The following GRIK4 variants were observed in gnomAD, a reference collection of about 807,000 sequenced individuals.
GRIK4 encodes the protein glutamate receptor ionotropic, kainate 4.
Under a neutral mutation model 104.9 loss-of-function variants are expected in GRIK4, and 40 were observed. That is an observed-to-expected ratio of 0.38 (90% confidence interval 0.30 to 0.50). The LOEUF (loss-of-function observed/expected upper bound fraction) is 0.50, where lower values mean the gene tolerates loss of function less well. Ranked by LOEUF, GRIK4 falls within the 20% of genes least tolerant of loss-of-function variation. GRIK4 has a pLI of 0.93. For missense variants in GRIK4, 1,047 were observed against 1,308.1 expected (o/e 0.80, Z 3.08); for synonymous variants, 485 against 524.9 (o/e 0.92, Z 1.04).
chr11:120,605,896 G>C (rs1044487386), intron 1 of GRIK4, among the ~76,000 whole-genome samples: 5 of 152,232 alleles, frequency 3.3e-5, no homozygotes, highest in Admixed American at 2.6e-4. Flanking sequence ...AATGAGGCTG[G>C]TGGGCAGCAG....
intron 1 of GRIK4, among the ~76,000 whole-genome samples, chr11:120,604,033 G>A (rs1349559002): frequency 3.9e-5 from 6 of 151,958 alleles, no homozygotes; most frequent in African/African-American, 1.5e-4. Context: ...TTAGCCAGGC[G>A]TGGTGGCGGG....
chr11:120,753,764 TTTTTG>T (rs1446831416), intron 3 of GRIK4, among the ~76,000 whole-genome samples: 1 of 152,182 alleles, frequency 6.6e-6, no homozygotes, highest in African/African-American at 2.4e-5. Flanking sequence ...CTGTTTTTCC[TTTTTG>T]TTTTGTTTTT....
At chr11:120,570,850 A>G (rs536714283) in intron 1 of GRIK4, among the ~76,000 whole-genome samples, 1 of 135,984 alleles carries the variant, frequency 7.4e-6, no homozygotes, top group African/African-American at 2.4e-5. Flanking sequence ...AGTTAAATGA[A>G]TAGTCAGAAT....
chr11:120,841,435 T>C (rs1953713657), intron 8 of GRIK4, among the ~76,000 whole-genome samples: 1 of 152,226 alleles, frequency 6.6e-6, no homozygotes, highest in Non-Finnish European at 1.5e-5. Flanking sequence ...TATGTCAGAA[T>C]TGCCTGCCTT....
At chr11:120,516,644 C>T (rs555345561) in intron 1 of GRIK4, among the ~76,000 whole-genome samples, 2 of 152,060 alleles carry the variant, frequency 1.3e-5, no homozygotes, top group Admixed American at 6.5e-5. Context: ...TGGGCCTGGG[C>T]GCTGGTGACA....
intron 13 of GRIK4, among the ~76,000 whole-genome samples, chr11:120,913,454 C>T (rs1943041224): frequency 6.6e-6 from 1 of 151,416 alleles, no homozygotes; most frequent in Admixed American, 6.6e-5. Context: ...GCTGTAGTAC[C>T]CTGGAAGGTA....
rs549394226 is a variant in GRIK4, at chr11:120,515,762, A to G, written c.-159+3875A>G. Among the ~76,000 whole-genome samples the G allele has an allele frequency of 3.0e-3, 457 of 152,382 alleles. 2 individuals are homozygous for G. The highest frequency in any genetic ancestry group is 6.8e-3 in the Middle Eastern group (2 of 294). On this transcript the variant is annotated intron_variant, in intron 1 of 20. Coordinates refer to ENST00000527524, the MANE Select transcript of GRIK4 (RefSeq NM_014619.5). ...TGATTATAACGTTCTGTTACATAAA[A>G]TAGGGTATGCCTTACATTTAGTAAA...
chr11:120,974,729 C>G (rs1360798732), intron 19 of GRIK4, among the ~76,000 whole-genome samples: 1 of 152,192 alleles, frequency 6.6e-6, no homozygotes, highest in Non-Finnish European at 1.5e-5. Context: ...TCCTCGCCCC[C>G]TCTGACTCTC....
chr11:120,970,828 C>T (rs1944462841), intron 19 of GRIK4, among the ~76,000 whole-genome samples: 1 of 152,144 alleles, frequency 6.6e-6, no homozygotes, highest in African/African-American at 2.4e-5. Context: ...TGTGTTTGTT[C>T]TACTGACAGT....
intron 3 of GRIK4, among the ~76,000 whole-genome samples, chr11:120,683,153 C>T (rs965307568): frequency 2.6e-5 from 4 of 152,150 alleles, no homozygotes; most frequent in African/African-American, 4.8e-5. Context: ...TTGCATGAAC[C>T]GATAGATGAA....
chr11:120,971,404 T>C (rs930504976), intron 19 of GRIK4, among the ~76,000 whole-genome samples: 1 of 152,148 alleles, frequency 6.6e-6, no homozygotes, highest in Non-Finnish European at 1.5e-5. Context: ...CATCTCAAAG[T>C]CCTCCTGACT....
intron 13 of GRIK4, among the ~76,000 whole-genome samples, chr11:120,933,448 C>A (rs1350737535): frequency 6.6e-6 from 1 of 152,166 alleles, no homozygotes; most frequent in Non-Finnish European, 1.5e-5. Context: ...TTCATCTTCT[C>A]AACAATTGTA....
At chr11:120,838,615 T>C (rs918421148) in intron 8 of GRIK4, among the ~76,000 whole-genome samples, 1 of 152,234 alleles carries the variant, frequency 6.6e-6, no homozygotes, top group Non-Finnish European at 1.5e-5. Flanking sequence ...TGCAAAAATC[T>C]GCCAGTAAGA....
intron 1 of GRIK4, among the ~76,000 whole-genome samples, chr11:120,637,604 G>A (rs1308648382): frequency 2.0e-5 from 3 of 152,196 alleles, no homozygotes; most frequent in African/African-American, 4.8e-5. Context: ...GGGTGCAGTT[G>A]CTGTGTTTCC....
chr11:120,642,270 G>A (rs567876762), intron 1 of GRIK4, among the ~76,000 whole-genome samples: 10 of 152,192 alleles, frequency 6.6e-5, no homozygotes, highest in African/African-American at 1.2e-4. Context: ...GGTCCAGGCT[G>A]CAGTGAGCCA....
intron 14 of GRIK4, among the ~76,000 whole-genome samples, chr11:120,947,890 G>A (rs1365259038): frequency 6.6e-6 from 1 of 152,118 alleles, no homozygotes; most frequent in Admixed American, 6.5e-5. Context: ...TTAGAATGTA[G>A]GTCTCCTCAC....
chr11:120,850,068 G>A (rs901266193), intron 8 of GRIK4, among the ~76,000 whole-genome samples: 1 of 152,108 alleles, frequency 6.6e-6, no homozygotes. Flanking sequence ...ACCATTCTTG[G>A]GTCCTTTCCC....
intron 6 of GRIK4, among the ~76,000 whole-genome samples, chr11:120,827,985 C>G (rs1953311392): frequency 1.3e-5 from 2 of 152,180 alleles, no homozygotes; most frequent in South Asian, 4.1e-4. Context: ...TTGAAGCTGC[C>G]AAGAGCTAGC....
At chr11:120,897,451 T>C (rs1318628872) in intron 11 of GRIK4, among the ~76,000 whole-genome samples, 1 of 151,266 alleles carries the variant, frequency 6.6e-6, no homozygotes, top group Non-Finnish European at 1.5e-5. Context: ...CTGGCCAAGA[T>C]GGTGAAACCC....
Sources: gnomAD v4.1 joint callset for allele counts (sites outside exome capture counted in the v4.1 genomes callset) on GRCh38, gnomAD v4.1.1 for gene constraint, MANE v1.5 for transcripts, NCBI Gene and HGNC (gene_info 2026-07-23, HGNC 2026-07-21) for gene names.